Variants in HUWE1 observed in about 807,000 individuals in gnomAD.
The protein encoded by HUWE1 is HECT, UBA and WWE domain containing E3 ubiquitin protein ligase 1.
In HUWE1, 18 loss-of-function variants were observed where a neutral mutation model predicts 299.4. That is an observed-to-expected ratio of 0.06 (90% CI 0.04 to 0.09). HUWE1 has a LOEUF of 0.09. Among genes scored for constraint, HUWE1 ranks in the 10% least tolerant of loss-of-function variants. HUWE1 has a pLI of 1.00. For missense variants in HUWE1, 1,832 were observed against 3,462.3 expected (o/e 0.53, Z 11.82); for synonymous variants, 1,317 against 1,286.1 (o/e 1.02, Z -0.51).
rs782182352 is a variant in HUWE1 at position 53,595,178 on chromosome X, G to C, written c.3380+9C>G. ...CTTTCTAGTCCCTGAATCTCAAGCT[G>C]AACTTCACCTGAATCGGGGAGTAGG... On this transcript the variant is annotated intron_variant, in intron 30 of 83. Transcript: ENST00000262854. 6.0e-5 allele frequency: 71 copies of C among 1,187,883 alleles called. 1 individual carries two copies. In the South Asian group the frequency reaches 1.2e-3, roughly 19 times the overall value.
At chrX:53,548,319 G>A (rs1443710459) in intron 67 of HUWE1, 46 bp from the exon 68 acceptor site, 2 of 1,186,861 alleles carry the variant, frequency 1.7e-6, no homozygotes, top group African/African-American at 1.8e-5. Flanking sequence ...CGTCTTCACA[G>A]AGGATGAGCC....
At chrX:53,684,230 C>T in intron 2 of HUWE1, 1 of 196,691 alleles carries the variant, frequency 5.1e-6, no homozygotes, top group Non-Finnish European at 9.5e-6. Context: ...TACGCTTTAG[C>T]CTCGGCGAGA....
At chrX:53,677,183 A>G (rs2069869042) in intron 3 of HUWE1, among the ~76,000 whole-genome samples, 1 of 105,024 alleles carries the variant, frequency 9.5e-6, no homozygotes, top group African/African-American at 3.5e-5. Context: ...GAGAAGTATC[A>G]CCTGGGAACT....
intron 3 of HUWE1, among the ~76,000 whole-genome samples, chrX:53,659,227 C>T (rs940139872): frequency 2.7e-5 from 3 of 112,516 alleles, no homozygotes; most frequent in Non-Finnish European, 5.6e-5. Context: ...AACTTATGTC[C>T]ACACAAAAAC....
intron 81 of HUWE1, among the ~76,000 whole-genome samples, chrX:53,534,968 A>T (rs192708694): frequency 8.5e-4 from 89 of 105,068 alleles, no homozygotes; most frequent in Middle Eastern, 4.9e-3. Context: ...ATGGAGTCTC[A>T]CTCTGTTGCC....
At position 53,620,257 on chromosome X, in the gene HUWE1, CT is replaced by C. The variant is rs869154000; in HGVS notation, c.1673-2812del. Among the ~76,000 whole-genome samples the C allele has an allele frequency of 3.4e-3, 327 of 95,709 alleles. 1 individual carries two copies. Among genetic ancestry groups the C allele is most frequent in the African/African-American group, 8.6e-3 (231 of 26,916 alleles). 83.1% of individuals were successfully genotyped at this position (95,709 alleles called of 115,157 possible). On this transcript the variant is annotated intron_variant, in intron 19 of 83. Transcript: ENST00000262854. ...GCATCACCTTGGAGCTTCCATTTGT[CT>C]TTTTTTTTTTTTTTTGAGACAAGGT...
At chrX:53,618,880 G>A (rs782112398) in intron 19 of HUWE1, among the ~76,000 whole-genome samples, 1,703 of 94,347 alleles carry the variant, frequency 0.018, 37 homozygotes, top group African/African-American at 0.061. Context: ...TTTAAAAGGG[G>A]AAAAAAAAAA....
chrX:53,624,245 A>G (rs2066335650), intron 19 of HUWE1, among the ~76,000 whole-genome samples: 1 of 110,703 alleles, frequency 9.0e-6, no homozygotes, highest in Non-Finnish European at 1.9e-5. Flanking sequence ...TCGGCCTCCC[A>G]AAGTGCTGGG....
intron 3 of HUWE1, among the ~76,000 whole-genome samples, chrX:53,678,417 AG>A (rs2069944116): frequency 8.9e-6 from 1 of 111,980 alleles, no homozygotes; most frequent in African/African-American, 3.2e-5. Flanking sequence ...CCAGTCGTTG[AG>A]GAAACAACGA....
At chrX:53,596,228 T>C (rs888438560) in intron 29 of HUWE1, among the ~76,000 whole-genome samples, 6 of 112,059 alleles carry the variant, frequency 5.4e-5, no homozygotes, top group Non-Finnish European at 7.5e-5. Context: ...TTTTCAACTA[T>C]AGATGCCTAC....
chrX:53,587,875 A>G lies in HUWE1; in HGVS notation c.4614+507T>C, dbSNP rs782530320. Among the ~76,000 whole-genome samples the G allele has an allele frequency of 7.2e-5, 8 of 111,654 alleles. No individual in the cohort carries two copies. The South Asian group carries it at 3.0e-3, about 42-fold the overall frequency. On this transcript the variant is annotated intron_variant, in intron 37 of 83. Transcript: ENST00000262854. ...GGTTGGATCAGGTCTTGCCCAAACCACTCTCTTGCCTCAAATAATCTGCTG... is the reference window on the plus strand; with the variant it reads ...GGTTGGATCAGGTCTTGCCCAAACCGCTCTCTTGCCTCAAATAATCTGCTG...
At chrX:53,681,654 C>A (rs1557053461) in intron 2 of HUWE1, among the ~76,000 whole-genome samples, 1 of 111,691 alleles carries the variant, frequency 9.0e-6, no homozygotes, top group Admixed American at 9.5e-5. Context: ...AATAGCAGAT[C>A]CCCACACTGA....
At chrX:53,546,670 CAA>C (rs781865756) in intron 69 of HUWE1, 32 bp downstream of exon 69, 2 of 1,210,519 alleles carry the variant, frequency 1.7e-6, no homozygotes, top group Admixed American at 4.3e-5. Flanking sequence ...CCTTTCTCCC[CAA>C]GTCTTAGCAG....
At chrX:53,598,894 T>C (rs1556987415) in intron 29 of HUWE1, among the ~76,000 whole-genome samples, 1 of 112,578 alleles carries the variant, frequency 8.9e-6, no homozygotes, top group African/African-American at 3.2e-5. Context: ...TAAGCTCAAA[T>C]GTATACAGTA....
chrX:53,581,058 A>T, intron 42 of HUWE1, 32 bp from the exon 43 acceptor site: 2 of 1,104,605 alleles, frequency 1.8e-6, no homozygotes, highest in South Asian at 3.9e-5. Context: ...ACTGTCGATT[A>T]AACACTACTT....
At chrX:53,613,321 A>G (rs1465108321) in intron 23 of HUWE1, among the ~76,000 whole-genome samples, 4 of 111,490 alleles carry the variant, frequency 3.6e-5, no homozygotes, top group Non-Finnish European at 7.5e-5. Context: ...AGGACATACC[A>G]GTTTCGGATT....
At chrX:53,542,845 TTG>T (rs57187405) in intron 73 of HUWE1, 7,710 of 162,925 alleles carry the variant, frequency 0.047, 232 homozygotes, top group African/African-American at 0.052. Flanking sequence ...TCTTCTTCTG[TTG>T]TGTGTGTGTG....
intron 44 of HUWE1, among the ~76,000 whole-genome samples, chrX:53,576,110 T>TA (rs2063091929): frequency 9.0e-6 from 1 of 111,717 alleles, no homozygotes; most frequent in African/African-American, 3.3e-5. Flanking sequence ...GGGGAGGTGA[T>TA]AAGAGATAGG....
chrX:53,574,101 G>C, intron 46 of HUWE1, 137 bp from the exon 47 acceptor site: 1 of 524,497 alleles, frequency 1.9e-6, no homozygotes. Flanking sequence ...ACACTGCAGT[G>C]CAAGAGCAGA....
Sources: gnomAD v4.1 joint callset for allele counts (sites outside exome capture counted in the v4.1 genomes callset) on GRCh38, gnomAD v4.1.1 for gene constraint, MANE v1.5 for transcripts, NCBI Gene and HGNC (gene_info 2026-07-23, HGNC 2026-07-21) for gene names.